Variants in PDK1 observed in about 807,000 individuals in gnomAD.
The protein encoded by PDK1 is pyruvate dehydrogenase kinase 1, also known as [Pyruvate dehydrogenase (acetyl-transferring)] kinase isozyme 1, mitochondrial.
In PDK1, 39 loss-of-function variants were observed where a neutral mutation model predicts 54.2. The ratio of observed to expected loss-of-function variants is 0.72; its 90% CI spans 0.56 to 0.94. The LOEUF (loss-of-function observed/expected upper bound fraction) is 0.94, where lower values mean the gene tolerates loss of function less well. Ranked by LOEUF, PDK1 falls within the 40% of genes least tolerant of loss-of-function variation. The pLI is 0.00. For synonymous variants in PDK1, 221 were observed against 207.1 expected (o/e 1.07, Z -0.58); for missense variants, 552 against 566.0 (o/e 0.98, Z 0.25).
At chr2:172,656,269 C>G in the PDK1 span, among the ~76,000 whole-genome samples, 5 of 152,172 alleles carry the variant, frequency 3.3e-5, no homozygotes, top group African/African-American at 1.2e-4. Flanking sequence ...GAGCAATAAG[C>G]TACTATACAT....
At chr2:172,689,436 A>G in the PDK1 span, among the ~76,000 whole-genome samples, 6 of 152,354 alleles carry the variant, frequency 3.9e-5, no homozygotes, top group African/African-American at 1.4e-4. Context: ...AAAGTAATTT[A>G]TAGATTTAAT....
chr2:172,651,272 C>T, the PDK1 span, among the ~76,000 whole-genome samples: 1 of 152,118 alleles, frequency 6.6e-6, no homozygotes, highest in Non-Finnish European at 1.5e-5. Context: ...TTCTTTGAAA[C>T]CAATGAGAAC....
At chr2:172,713,746 G>C in the PDK1 span, among the ~76,000 whole-genome samples, 11 of 152,252 alleles carry the variant, frequency 7.2e-5, no homozygotes, top group Non-Finnish European at 1.6e-4. Context: ...AGGTCCTGCA[G>C]CTGGGTGGCT....
the PDK1 span, among the ~76,000 whole-genome samples, chr2:172,631,881 T>G: frequency 6.6e-6 from 1 of 152,216 alleles, no homozygotes; most frequent in Non-Finnish European, 1.5e-5. Flanking sequence ...CGAATACTCT[T>G]CTGACACAGC....
the PDK1 span, among the ~76,000 whole-genome samples, chr2:172,650,532 G>A: frequency 6.6e-6 from 1 of 152,096 alleles, no homozygotes; most frequent in East Asian, 1.9e-4. Flanking sequence ...AAAAGACACA[G>A]ACTGGCAAAT....
chr2:172,663,395 C>T, the PDK1 span, among the ~76,000 whole-genome samples: 1 of 152,138 alleles, frequency 6.6e-6, no homozygotes, highest in East Asian at 1.9e-4. Flanking sequence ...CTAATTTAGC[C>T]CACACAGTTG....
At chr2:172,590,523 A>G (rs1690507074) in intron 9 of PDK1, among the ~76,000 whole-genome samples, 1 of 151,758 alleles carries the variant, frequency 6.6e-6, no homozygotes, top group Non-Finnish European at 1.5e-5. Context: ...GCATGTCTGG[A>G]GTTGTTTGTT....
chr2:172,607,113 A>G lies in PDK1; in HGVS notation c.*11144A>G, dbSNP rs1173675693. The G allele has an allele frequency of 6.6e-6, 1 of 152,218 alleles. No homozygotes were observed. Among genetic ancestry groups the G allele is most frequent in the Non-Finnish European group, 1.5e-5 (1 of 68,030 alleles). The allele number at this position is 152,218 out of a possible 1,614,324, so 9.4% of individuals were successfully genotyped here. A position where few individuals can be genotyped will look rare whatever the true frequency, so the allele number is the denominator to read the frequency against. ...CAAAGACTAACATCAACATGCTTACATTTTGAGTCCAAAATTAAAATCCAA... is the reference window on the plus strand; with the variant it reads ...CAAAGACTAACATCAACATGCTTACGTTTTGAGTCCAAAATTAAAATCCAA... On this transcript the variant is annotated 3_prime_UTR_variant, in exon 11 of 11. Transcript: ENST00000282077.
At chr2:172,619,809 AAG>A in the PDK1 span, among the ~76,000 whole-genome samples, 42 of 152,176 alleles carry the variant, frequency 2.8e-4, no homozygotes, top group Admixed American at 3.3e-4. Flanking sequence ...AGAAGGAAGA[AAG>A]AGGATGCTGC....
chr2:172,563,718 G>A (rs889251698), intron 3 of PDK1, among the ~76,000 whole-genome samples: 2 of 151,894 alleles, frequency 1.3e-5, no homozygotes, highest in South Asian at 2.1e-4. Flanking sequence ...CTATAATCCC[G>A]GCTACTCAGG....
intron 8 of PDK1, among the ~76,000 whole-genome samples, chr2:172,571,165 T>C (rs1689232089): frequency 6.6e-6 from 1 of 152,116 alleles, no homozygotes; most frequent in Admixed American, 6.6e-5. Flanking sequence ...TTTAAAAAAT[T>C]TTAAAACAGT....
rs11400625 is a variant in PDK1, at chr2:172,568,327, CAAA to C, written c.770-393_770-391del. Among the ~76,000 whole-genome samples the C allele has an allele frequency of 5.8e-4, 33 of 57,104 alleles. No individual in the cohort carries two copies. In the South Asian group the frequency reaches 0.019, roughly 32 times the overall value. 37.5% of individuals were successfully genotyped at this position (57,104 alleles called of 152,430 possible). A position where few individuals can be genotyped will look rare whatever the true frequency, so the allele number is the denominator to read the frequency against. On this transcript the variant is annotated intron_variant, in intron 6 of 10. Coordinates refer to ENST00000282077, the MANE Select transcript of PDK1 (RefSeq NM_002610.5). ...TGGGCAACAGAGCAAGACTCCGTCTCAAAAAAAAAAAAAAAAAAAAAAAGAAGA... is the reference window on the plus strand; with the variant it reads ...TGGGCAACAGAGCAAGACTCCGTCTCAAAAAAAAAAAAAAAAAAAAGAAGA...
the PDK1 span, among the ~76,000 whole-genome samples, chr2:172,709,502 AG>A: frequency 6.6e-6 from 1 of 152,208 alleles, no homozygotes; most frequent in Non-Finnish European, 1.5e-5. Flanking sequence ...TCAGTCTTGA[AG>A]CTAATTCTTG....
In PDK1 at chr2:172,569,977, G is replaced by A. The variant is rs192894618; in HGVS notation, c.847-749G>A. On this transcript the variant is annotated intron_variant, in intron 7 of 10. Coordinates refer to ENST00000282077, the MANE Select transcript of PDK1 (RefSeq NM_002610.5). Reference sequence around the variant, plus strand: ...CACTCCGTATTATATTGTACATAATGTCAGTAATAATGGCTTTCACCTGGA... The same window carrying A: ...CACTCCGTATTATATTGTACATAATATCAGTAATAATGGCTTTCACCTGGA... 3.9e-5 allele frequency among the ~76,000 whole-genome samples: 6 copies of A among 152,316 alleles called. No individual in the cohort carries two copies. In the East Asian group the frequency reaches 7.7e-4, roughly 20 times the overall value.
the PDK1 span, among the ~76,000 whole-genome samples, chr2:172,683,328 C>T: frequency 7.5e-6 from 1 of 133,460 alleles, no homozygotes; most frequent in Non-Finnish European, 1.6e-5. Context: ...GCCTGGGCGA[C>T]AGAGCGAAAC....
At chr2:172,569,494 A>G (rs182468976) in intron 7 of PDK1, among the ~76,000 whole-genome samples, 118 of 152,208 alleles carry the variant, frequency 7.8e-4, no homozygotes, top group Non-Finnish European at 1.2e-3. Context: ...GGTGAAAATG[A>G]TTGCCCTCTA....
chr2:172,585,835 A>T (rs963637193), intron 8 of PDK1, among the ~76,000 whole-genome samples: 4 of 152,110 alleles, frequency 2.6e-5, no homozygotes, highest in Admixed American at 6.5e-5. Flanking sequence ...GGAAATGCTT[A>T]TATTGGCAAC....
chr2:172,702,104 C>G, the PDK1 span, among the ~76,000 whole-genome samples: 2 of 152,170 alleles, frequency 1.3e-5, no homozygotes, highest in Non-Finnish European at 2.9e-5. Flanking sequence ...AAGTGAAGGA[C>G]TGGGATGACT....
At chr2:172,654,158 T>C in the PDK1 span, among the ~76,000 whole-genome samples, 19 of 152,214 alleles carry the variant, frequency 1.2e-4, no homozygotes. Context: ...GGAATGCTTT[T>C]ACACTGTTGG....
Sources: gnomAD v4.1 joint callset for allele counts (sites outside exome capture counted in the v4.1 genomes callset) on GRCh38, gnomAD v4.1.1 for gene constraint, MANE v1.5 for transcripts, NCBI Gene and HGNC (gene_info 2026-07-23, HGNC 2026-07-21) for gene names.